Variants in NTNG2 observed in about 807,000 individuals in gnomAD.
NTNG2 encodes the protein netrin G2.
A neutral mutation model predicts 47.6 loss-of-function variants in NTNG2; 15 were observed. That is an observed-to-expected ratio of 0.32 (90% CI 0.21 to 0.49). NTNG2 has a LOEUF of 0.49. Among genes scored for constraint, NTNG2 ranks in the 20% least tolerant of loss-of-function variants. The pLI, the probability that NTNG2 is intolerant of heterozygous loss-of-function variation, is 0.99. For synonymous variants in NTNG2, 307 were observed against 324.6 expected, an observed-to-expected ratio of 0.95 and a Z score of 0.58; for missense variants, 578 against 764.6, an observed-to-expected ratio of 0.76 and a Z score of 2.88.
intron 3 of NTNG2, among the ~76,000 whole-genome samples, chr9:132,224,373 G>A (rs1472464168): frequency 6.6e-6 from 1 of 152,106 alleles, no homozygotes. Context: ...AGTGGGTTTT[G>A]CCATATGCAT....
At chr9:132,188,287 G>A (rs1837559682) in intron 2 of NTNG2, among the ~76,000 whole-genome samples, 1 of 152,238 alleles carries the variant, frequency 6.6e-6, no homozygotes, top group African/African-American at 2.4e-5. Context: ...CTGAGGATGA[G>A]AAGGGTTCCG....
chr9:132,224,257 C>G lies in NTNG2; in HGVS notation c.858-2592C>G, dbSNP rs375435243. 3.9e-5 allele frequency among the ~76,000 whole-genome samples: 6 copies of G among 152,236 alleles called. No individual in the cohort carries two copies. The East Asian group carries it at 5.8e-4, about 15-fold the overall frequency. On this transcript the variant is annotated intron_variant, in intron 3 of 7. Transcript: ENST00000393229. Reference sequence around the variant, plus strand: ...ATTTCCCCACCCCCCTGCACAGTTTCCCCTATTTTGGAGTATATGTGTTAC... The same window carrying G: ...ATTTCCCCACCCCCCTGCACAGTTTGCCCTATTTTGGAGTATATGTGTTAC...
chr9:132,191,894 A>G (rs1837923135), intron 2 of NTNG2, among the ~76,000 whole-genome samples: 1 of 152,170 alleles, frequency 6.6e-6, no homozygotes, highest in African/African-American at 2.4e-5. Flanking sequence ...TCTAGAGAAA[A>G]TCCCAAGACT....
chr9:132,242,264 G>A lies in NTNG2; in HGVS notation c.*153G>A. 1 of 202,874 alleles carries A rather than the reference G, an allele frequency of 4.9e-6. No homozygotes were observed. The allele number at this position is 202,874 out of a possible 1,614,324, so 12.6% of individuals were successfully genotyped here. ...GGCCCCCCGCCCGGCCCGCGCTCCC[G>A]CCCGCACTGCCCTCCCCCCGCAGCA... On this transcript the variant is annotated 3_prime_UTR_variant, in exon 8 of 8. Transcript: ENST00000393229. This position sits in a 1 kb window ranked among gnomAD's most constrained non-coding sequence, Gnocchi z 5.9.
rs950301076 is a variant in NTNG2 at position 132,166,769 on chromosome 9, G to A, written c.-63G>A. The A allele has an allele frequency of 7.3e-5, 112 of 1,535,068 alleles. 2 individuals carry two copies. Among genetic ancestry groups the A allele is most frequent in the East Asian group, 2.7e-4 (12 of 44,486 alleles). ...TTTCCATGCTGAGGCCGCGAGTCCCGCCTGACCCCGTCGCTGCCTCTCCAG... is the reference window on the plus strand; with the variant it reads ...TTTCCATGCTGAGGCCGCGAGTCCCACCTGACCCCGTCGCTGCCTCTCCAG... On this transcript the variant is annotated 5_prime_UTR_variant, in exon 2 of 8. Transcript: ENST00000393229.
At chr9:132,196,910 G>A (rs1838356100) in intron 2 of NTNG2, among the ~76,000 whole-genome samples, 1 of 152,128 alleles carries the variant, frequency 6.6e-6, no homozygotes, top group Non-Finnish European at 1.5e-5. Context: ...CCTCCCTCAG[G>A]TTTGATAGTT....
rs564055881 is a variant in NTNG2, at chr9:132,162,884, T to C, written c.-484+645T>C. On this transcript the variant is annotated intron_variant, in intron 1 of 7. Coordinates refer to ENST00000393229, the MANE Select transcript of NTNG2 (RefSeq NM_032536.4). The surrounding 1 kb of genome is among the most constrained non-coding windows in gnomAD (Gnocchi z 4.6). ...TTTGGGGCCGGCGTGGAGTCGAACC[T>C]GGAACTGAGCGGCGCGCAGGTGGGG... Among the ~76,000 whole-genome samples, 1 of 151,840 alleles carries C rather than the reference T, an allele frequency of 6.6e-6. No homozygotes were observed. Among genetic ancestry groups the C allele is most frequent in the South Asian group, 2.1e-4 (1 of 4,792 alleles).
At chr9:132,209,384 G>A (rs1365036403) in intron 3 of NTNG2, among the ~76,000 whole-genome samples, 4 of 152,236 alleles carry the variant, frequency 2.6e-5, no homozygotes, top group Admixed American at 1.3e-4. Flanking sequence ...GAGACTGGGC[G>A]CGGGGAGTCC....
chr9:132,171,972 G>C (rs1445240848), intron 2 of NTNG2, among the ~76,000 whole-genome samples: 1 of 152,204 alleles, frequency 6.6e-6, no homozygotes, highest in Non-Finnish European at 1.5e-5. Context: ...GATGACTAGA[G>C]ATAAATTAAG....
intron 2 of NTNG2, among the ~76,000 whole-genome samples, chr9:132,167,514 C>G (rs1352971200): frequency 6.6e-6 from 1 of 152,188 alleles, no homozygotes; most frequent in Non-Finnish European, 1.5e-5. Flanking sequence ...CTAGAGCATG[C>G]CAAGCACTGA....
chr9:132,234,124 G>A (rs1841452255), intron 5 of NTNG2, among the ~76,000 whole-genome samples: 1 of 151,476 alleles, frequency 6.6e-6, no homozygotes, highest in Admixed American at 6.6e-5. Flanking sequence ...GCCCCCCCAG[G>A]TTCAAGCAAT....
Position 132,198,704 on chromosome 9 carries a change from T to C in NTNG2, c.857+95T>C. On this transcript the variant is annotated intron_variant, in intron 3 of 7. Coordinates refer to ENST00000393229, the MANE Select transcript of NTNG2 (RefSeq NM_032536.4). Reference sequence around the variant, plus strand: ...GATACCTGGGATGTTACCTGGTATGTGGAACATGACCGGGTTCTTGGGATG... The same window carrying C: ...GATACCTGGGATGTTACCTGGTATGCGGAACATGACCGGGTTCTTGGGATG... 6.1e-6 allele frequency: 8 copies of C among 1,314,440 alleles called. No individual in the cohort carries two copies. The South Asian group carries it at 9.9e-5, about 16-fold the overall frequency. 81.4% of individuals were successfully genotyped at this position (1,314,440 alleles called of 1,614,324 possible). A position where few individuals can be genotyped will look rare whatever the true frequency, so the allele number is the denominator to read the frequency against.
At chr9:132,195,469 T>A (rs1186097124) in intron 2 of NTNG2, among the ~76,000 whole-genome samples, 1 of 138,922 alleles carries the variant, frequency 7.2e-6, no homozygotes, top group Non-Finnish European at 1.5e-5. Context: ...CCACCACGCC[T>A]GGCTATTTTT....
intron 3 of NTNG2, among the ~76,000 whole-genome samples, chr9:132,217,386 G>A (rs1840064531): frequency 6.6e-6 from 1 of 152,154 alleles, no homozygotes; most frequent in South Asian, 2.1e-4. Context: ...TGCAGTTCCA[G>A]GAGCCTGAGT....
At chr9:132,193,955 C>T (rs1427813342) in intron 2 of NTNG2, among the ~76,000 whole-genome samples, 1 of 152,168 alleles carries the variant, frequency 6.6e-6, no homozygotes, top group Non-Finnish European at 1.5e-5. Flanking sequence ...CCCAGCGTCT[C>T]ATCCGGCAGC....
At chr9:132,201,358 A>G (rs745350123) in intron 3 of NTNG2, among the ~76,000 whole-genome samples, 38 of 152,352 alleles carry the variant, frequency 2.5e-4, no homozygotes, top group South Asian at 1.2e-3. Flanking sequence ...GCGAGAGTGT[A>G]CAATCAATTC....
Position 132,163,151 on chromosome 9 carries a change from A to G in NTNG2, c.-484+912A>G, listed in dbSNP as rs1327604967. 2.0e-5 allele frequency among the ~76,000 whole-genome samples: 3 copies of G among 152,108 alleles called. No homozygotes were observed. Among genetic ancestry groups the G allele is most frequent in the Non-Finnish European group, 4.4e-5 (3 of 67,990 alleles). The stretch of plus-strand genomic sequence containing the variant: ...CCGGGCCTTTATTACGGGCTTAATT[A>G]TTAATTGCTGCCGTGGCTTGCACGC... On this transcript the variant is annotated intron_variant, in intron 1 of 7. Transcript: ENST00000393229. The surrounding 1 kb of genome is among the most constrained non-coding windows in gnomAD (Gnocchi z 7.2).
At chr9:132,188,107 A>T (rs1416753366) in intron 2 of NTNG2, among the ~76,000 whole-genome samples, 1 of 152,220 alleles carries the variant, frequency 6.6e-6, no homozygotes, top group Non-Finnish European at 1.5e-5. Flanking sequence ...TCCAAGGAGG[A>T]GGGTGGGGCT....
intron 2 of NTNG2, among the ~76,000 whole-genome samples, chr9:132,170,231 C>A (rs1421904347): frequency 6.6e-6 from 1 of 152,216 alleles, no homozygotes; most frequent in Non-Finnish European, 1.5e-5. Context: ...CACCTGAGAA[C>A]TGAATTGTAA....
Sources: gnomAD v4.1 joint callset for allele counts (sites outside exome capture counted in the v4.1 genomes callset) on GRCh38, gnomAD v4.1.1 for gene constraint, Gnocchi (gnomAD v3.1) non-coding constraint, MANE v1.5 for transcripts, NCBI Gene and HGNC (gene_info 2026-07-23, HGNC 2026-07-21) for gene names.